MAP4K3: variants seen among roughly 807,000 people sequenced by gnomAD.
MAP4K3 encodes the protein mitogen-activated protein kinase kinase kinase kinase 3, also known as MAPK/ERK kinase kinase kinase 3.
MAP4K3 carries 94 observed loss-of-function variants against 143.5 expected under a neutral mutation model. The observed-to-expected ratio is 0.65, with a 90% CI of 0.55 to 0.78. The LOEUF (loss-of-function observed/expected upper bound fraction) is 0.78, where lower values mean the gene tolerates loss of function less well. MAP4K3 is among the 30% of genes least tolerant of loss of function. MAP4K3 has a pLI of 0.00. For missense variants in MAP4K3, 1,077 were observed against 1,068.1 expected, an observed-to-expected ratio of 1.01 and a Z score of -0.12; for synonymous variants, 416 against 347.2, an observed-to-expected ratio of 1.20 and a Z score of -2.20.
At chr2:39,293,370 G>T (rs922433521) in intron 16 of MAP4K3, 102 bp from the exon 17 acceptor site, 3 of 785,274 alleles carry the variant, frequency 3.8e-6, no homozygotes, top group African/African-American at 3.6e-5. Flanking sequence ...TTTTTTGAAT[G>T]ATTACTTTTT....
At chr2:39,425,226 A>G (rs2148632426) in intron 1 of MAP4K3, among the ~76,000 whole-genome samples, 1 of 152,294 alleles carries the variant, frequency 6.6e-6, no homozygotes, top group African/African-American at 2.4e-5. Flanking sequence ...TCAGCATAAA[A>G]CAAAGCAACA....
chr2:39,259,010 G>GGT (rs1553399959), intron 29 of MAP4K3, among the ~76,000 whole-genome samples: 35 of 145,052 alleles, frequency 2.4e-4, no homozygotes, highest in Non-Finnish European at 5.1e-4. Context: ...AATGAAAATT[G>GGT]TTTTTTTTTT....
intron 31 of MAP4K3, among the ~76,000 whole-genome samples, chr2:39,257,470 G>A (rs766403432): frequency 6.6e-6 from 1 of 152,132 alleles, no homozygotes; most frequent in Non-Finnish European, 1.5e-5. Context: ...CAGGAGTCTG[G>A]AGGAAATGGG....
At chr2:39,343,833 C>A (rs979291159) in intron 3 of MAP4K3, among the ~76,000 whole-genome samples, 1 of 152,068 alleles carries the variant, frequency 6.6e-6, no homozygotes. Context: ...ATCAACAAAA[C>A]AGGCAAAATA....
chr2:39,318,719 T>C (rs1421530718), intron 12 of MAP4K3, among the ~76,000 whole-genome samples: 1 of 152,178 alleles, frequency 6.6e-6, no homozygotes, highest in Admixed American at 6.6e-5. Context: ...TTATTACTTC[T>C]TGATAAAAAA....
intron 1 of MAP4K3, among the ~76,000 whole-genome samples, chr2:39,386,315 A>C (rs1380533523): frequency 6.6e-6 from 1 of 152,210 alleles, no homozygotes; most frequent in East Asian, 1.9e-4. Context: ...AACTATGAGA[A>C]AATAAATTTC....
At chr2:39,292,734 A>G (rs1427225721) in intron 18 of MAP4K3, 39 bp downstream of exon 18, 1 of 1,540,356 alleles carries the variant, frequency 6.5e-7, no homozygotes, top group African/African-American at 1.4e-5. Context: ...AGGTCAAATG[A>G]CACCTTTTCT....
rs150925306 is a variant in MAP4K3 at position 39,336,962 on chromosome 2, T to C, written c.372A>G (p.Leu124=). 1.5e-6 allele frequency: 2 copies of C among 1,349,168 alleles called. No individual in the cohort carries two copies. The highest frequency in any genetic ancestry group is 2.1e-6 in the Non-Finnish European group (2 of 966,772). 83.6% of individuals were successfully genotyped at this position (1,349,168 alleles called of 1,614,324 possible). Residue 124 remains leucine (L), a synonymous_variant, in exon 6 of 34, where the codon TTA becomes TTG. Coordinates refer to ENST00000263881, the MANE Select transcript of MAP4K3 (RefSeq NM_003618.4). The stretch of plus-strand genomic sequence containing the variant: ...TTTTTCCTTTACTGTGAAGATAATA[T>C]AATCCCTGGAGTTTCAAAAAACAGA... The part of the protein sequence containing the change: ...AYVSRETLQG[L]YYLHSKGKMH...
intron 31 of MAP4K3, among the ~76,000 whole-genome samples, chr2:39,255,421 T>C (rs1482849252): frequency 6.6e-6 from 1 of 152,216 alleles, no homozygotes; most frequent in Non-Finnish European, 1.5e-5. Context: ...TTTTGTTTTC[T>C]GCAGGTAAGC....
chr2:39,316,957 C>A (rs1445496653), intron 12 of MAP4K3, among the ~76,000 whole-genome samples: 1 of 152,030 alleles, frequency 6.6e-6, no homozygotes, highest in Non-Finnish European at 1.5e-5. Context: ...ATAGCCAAAG[C>A]AATCTGAAGC....
intron 1 of MAP4K3, among the ~76,000 whole-genome samples, chr2:39,414,220 C>A (rs1667307252): frequency 6.6e-6 from 1 of 152,168 alleles, no homozygotes; most frequent in Non-Finnish European, 1.5e-5. Context: ...CAAAGAGAGG[C>A]ACCAATCTTC....
chr2:39,332,046 G>A, intron 7 of MAP4K3, 57 bp from the exon 8 acceptor site: 5 of 987,596 alleles, frequency 5.1e-6, no homozygotes, highest in South Asian at 3.9e-5. Flanking sequence ...ATTGTTTAAG[G>A]CAACATAAAA....
At chr2:39,253,359 C>T (rs975038627) in intron 32 of MAP4K3, among the ~76,000 whole-genome samples, 1 of 152,174 alleles carries the variant, frequency 6.6e-6, no homozygotes, top group African/African-American at 2.4e-5. Context: ...GTTTTGATCT[C>T]TTGACCTTGT....
intron 1 of MAP4K3, among the ~76,000 whole-genome samples, chr2:39,417,251 G>A (rs190416673): frequency 7.4e-6 from 1 of 135,186 alleles, no homozygotes; most frequent in Admixed American, 8.0e-5. Flanking sequence ...ACAGAGTCTT[G>A]CCCTGTCGCC....
rs1680279702 is a variant in MAP4K3 at position 39,254,663 on chromosome 2, T to A, written c.2471-143A>T. 3 of 587,702 alleles carry A rather than the reference T, an allele frequency of 5.1e-6. No homozygotes were observed. The South Asian group carries it at 8.0e-5, about 16-fold the overall frequency. 36.4% of individuals were successfully genotyped at this position (587,702 alleles called of 1,614,324 possible). On this transcript the variant is annotated intron_variant, in intron 31 of 33. Coordinates refer to ENST00000263881, the MANE Select transcript of MAP4K3 (RefSeq NM_003618.4). Reference sequence around the variant, plus strand: ...CCATATTTATATGGCATCTTTACATTTGAAAAGTTTAAAAATATACTATAC... The same window carrying A: ...CCATATTTATATGGCATCTTTACATATGAAAAGTTTAAAAATATACTATAC...
chr2:39,309,543 C>G (rs751432118), intron 13 of MAP4K3, 24 bp from the exon 14 acceptor site: 2 of 1,101,458 alleles, frequency 1.8e-6, no homozygotes, highest in Non-Finnish European at 1.3e-6. Context: ...AAAAGTAAAA[C>G]CAGGATTTTT....
chr2:39,431,297 G>A (rs897639484), intron 1 of MAP4K3, among the ~76,000 whole-genome samples: 4 of 152,178 alleles, frequency 2.6e-5, no homozygotes, highest in Admixed American at 6.5e-5. Context: ...TCATCAGAAA[G>A]CATTTTTTTG....
Position 39,299,798 on chromosome 2 carries a change from G to A in MAP4K3, c.1123C>T (p.Leu375=), listed in dbSNP as rs184881858. 7.7e-6 allele frequency: 12 copies of A among 1,558,006 alleles called. No individual in the cohort carries two copies. The South Asian group carries it at 9.9e-5, about 13-fold the overall frequency. The change falls in exon 16 of 34, where the codon CTG becomes TTG. Residue 375 remains leucine, a synonymous_variant. Transcript: ENST00000263881. ...IYYTARSNLD[L]QLEYGQGHQG... ...TGTCCTTGTCCATATTCCAGTTGCAGATCCTAATAGTACAAAATAAAATAT... is the reference window on the plus strand; with the variant it reads ...TGTCCTTGTCCATATTCCAGTTGCAAATCCTAATAGTACAAAATAAAATAT...
intron 12 of MAP4K3, among the ~76,000 whole-genome samples, chr2:39,321,814 C>G (rs1478781291): frequency 2.6e-5 from 4 of 152,212 alleles, no homozygotes; most frequent in Non-Finnish European, 4.4e-5. Flanking sequence ...GTATGCATAT[C>G]TAAAAGCACA....
Sources: gnomAD v4.1 joint callset for allele counts (sites outside exome capture counted in the v4.1 genomes callset) on GRCh38, gnomAD v4.1.1 for gene constraint, MANE v1.5 for transcripts, NCBI Gene and HGNC (gene_info 2026-07-23, HGNC 2026-07-21) for gene names.